Variants in PARD3B observed in about 807,000 individuals in gnomAD.
The protein encoded by PARD3B is partitioning defective 3 homolog B.
In PARD3B, 103 loss-of-function variants were observed where a neutral mutation model predicts 130.2. The observed-to-expected ratio is 0.79, with a 90% CI of 0.67 to 0.93. PARD3B has a LOEUF of 0.93. Among genes scored for constraint, PARD3B ranks in the 40% least tolerant of loss-of-function variants. PARD3B has a pLI of 0.00. For synonymous variants in PARD3B, 583 were observed against 553.2 expected, an observed-to-expected ratio of 1.05 and a Z score of -0.76; for missense variants, 1,609 against 1,499.2, an observed-to-expected ratio of 1.07 and a Z score of -1.21.
At chr2:204,693,800 C>T (rs940526969) in intron 2 of PARD3B, among the ~76,000 whole-genome samples, 20 of 151,894 alleles carry the variant, frequency 1.3e-4, no homozygotes, top group African/African-American at 4.6e-4. Context: ...CTTAATGTTC[C>T]GGTTGTCTGC....
At chr2:205,092,374 T>C (rs948730021) in intron 4 of PARD3B, among the ~76,000 whole-genome samples, 3 of 152,018 alleles carry the variant, frequency 2.0e-5, no homozygotes, top group Non-Finnish European at 2.9e-5. Flanking sequence ...CTTCATAGGG[T>C]TGCCGAGGAA....
At chr2:205,465,040 C>A (rs2048575228) in intron 20 of PARD3B, among the ~76,000 whole-genome samples, 1 of 152,152 alleles carries the variant, frequency 6.6e-6, no homozygotes, top group South Asian at 2.1e-4. Context: ...CAAAAGTTTT[C>A]TTCCTGGTCT....
intron 1 of PARD3B, among the ~76,000 whole-genome samples, chr2:204,645,235 T>C (rs2125159633): frequency 6.6e-6 from 1 of 152,244 alleles, no homozygotes; most frequent in Non-Finnish European, 1.5e-5. Flanking sequence ...AAACAAACAC[T>C]GGGGAAACCT....
intron 11 of PARD3B, among the ~76,000 whole-genome samples, chr2:205,164,636 G>A (rs1430459274): frequency 6.6e-6 from 1 of 151,496 alleles, no homozygotes; most frequent in Non-Finnish European, 1.5e-5. Flanking sequence ...TGTGTATTTT[G>A]GACTCCGTGA....
chr2:205,047,666 C>G lies in PARD3B; in HGVS notation c.480C>G (p.Gly160=), dbSNP rs755872631. The G allele has an allele frequency of 4.5e-6, 7 of 1,549,962 alleles. No individual in the cohort carries two copies. The South Asian group carries it at 8.3e-5, about 18-fold the overall frequency. ...AGCCAAGCGCTTCACACCCTGGTGG[C>G]CAGAGTCTGAAACTGGTTGTTCCAG... ...DTQPSASHPG[G]QSLKLVVPDS... is the part of the protein sequence containing the mutation. The change falls in exon 4 of 23, where the codon GGC becomes GGG. Residue 160 remains glycine, a synonymous_variant. Transcript: ENST00000406610.
intron 20 of PARD3B, among the ~76,000 whole-genome samples, chr2:205,499,190 G>A (rs1373575965): frequency 1.3e-5 from 2 of 152,160 alleles, no homozygotes; most frequent in East Asian, 1.9e-4. Flanking sequence ...GGTGCTAGCT[G>A]AGCAGTTTGG....
chr2:205,489,936 A>G (rs1478445751), intron 20 of PARD3B, among the ~76,000 whole-genome samples: 2 of 152,126 alleles, frequency 1.3e-5, no homozygotes, highest in African/African-American at 2.4e-5. Flanking sequence ...GCCTTTTATC[A>G]GAAGAGGAGA....
intron 1 of PARD3B, among the ~76,000 whole-genome samples, chr2:204,572,743 A>G (rs988622577): frequency 6.6e-6 from 1 of 152,210 alleles, no homozygotes; most frequent in Non-Finnish European, 1.5e-5. Context: ...TCAGAAAGCT[A>G]ACTATTCATT....
intron 1 of PARD3B, among the ~76,000 whole-genome samples, chr2:204,591,584 T>C (rs1441018382): frequency 1.3e-5 from 2 of 152,196 alleles, no homozygotes; most frequent in African/African-American, 2.4e-5. Context: ...GTAGGGAAAT[T>C]AGAACAATAG....
intron 2 of PARD3B, among the ~76,000 whole-genome samples, chr2:204,850,468 C>CA (rs201159494): frequency 7.4e-6 from 1 of 134,670 alleles, no homozygotes; most frequent in East Asian, 2.1e-4. Flanking sequence ...CTTAATCAGT[C>CA]AAAAAAAATA....
At chr2:204,934,633 C>T (rs1019105276) in intron 2 of PARD3B, among the ~76,000 whole-genome samples, 1 of 152,044 alleles carries the variant, frequency 6.6e-6, no homozygotes, top group Non-Finnish European at 1.5e-5. Context: ...AATATAGACA[C>T]TATTACAACC....
At chr2:205,066,412 C>T (rs1167371250) in intron 4 of PARD3B, among the ~76,000 whole-genome samples, 1 of 152,180 alleles carries the variant, frequency 6.6e-6, no homozygotes, top group Non-Finnish European at 1.5e-5. Flanking sequence ...ACCAATGAAG[C>T]AGAAAACTCT....
intron 1 of PARD3B, among the ~76,000 whole-genome samples, chr2:204,607,480 T>G (rs2033767542): frequency 6.6e-6 from 1 of 152,160 alleles, no homozygotes; most frequent in Non-Finnish European, 1.5e-5. Context: ...GAGTAAGGCT[T>G]CTGTTAAACT....
intron 2 of PARD3B, among the ~76,000 whole-genome samples, chr2:204,788,050 T>C (rs74558700): frequency 1.3e-5 from 2 of 152,320 alleles, no homozygotes; most frequent in East Asian, 3.9e-4. Flanking sequence ...TCCTGAATGA[T>C]GTGTGTGTCC....
At chr2:205,144,249 G>T (rs1008662475) in intron 10 of PARD3B, among the ~76,000 whole-genome samples, 2 of 152,330 alleles carry the variant, frequency 1.3e-5, no homozygotes, top group Admixed American at 6.5e-5. Flanking sequence ...GATATGTGGA[G>T]CAGACGTATA....
At chr2:205,408,278 T>TC (rs34914169) in intron 19 of PARD3B, among the ~76,000 whole-genome samples, 1 of 152,168 alleles carries the variant, frequency 6.6e-6, no homozygotes, top group Non-Finnish European at 1.5e-5. Context: ...AGCTGCAAGT[T>TC]CCCCACATAA....
chr2:205,409,086 ACTT>A (rs776499256), intron 19 of PARD3B, among the ~76,000 whole-genome samples: 8 of 152,180 alleles, frequency 5.3e-5, no homozygotes, highest in Non-Finnish European at 1.2e-4. Context: ...GAAAAATCTT[ACTT>A]GGTGGTGTTT....
intron 15 of PARD3B, among the ~76,000 whole-genome samples, chr2:205,194,824 C>T (rs1574348408): frequency 2.0e-5 from 3 of 152,024 alleles, no homozygotes; most frequent in East Asian, 3.9e-4. Context: ...CGCTCTGTCA[C>T]CCAGGATGGA....
intron 3 of PARD3B, among the ~76,000 whole-genome samples, chr2:205,039,361 A>G (rs1345614724): frequency 6.6e-6 from 1 of 152,166 alleles, no homozygotes; most frequent in Non-Finnish European, 1.5e-5. Flanking sequence ...TGTCCTTGTG[A>G]CCATGGGTTG....
Sources: allele counts gnomAD v4.1 joint callset (sites outside exome capture counted in the v4.1 genomes callset), GRCh38; gene constraint gnomAD v4.1.1; transcripts MANE v1.5; gene names NCBI Gene and HGNC (gene_info 2026-07-23, HGNC 2026-07-21).